The following NAALADL2 variants were observed in gnomAD, a reference collection of about 807,000 sequenced individuals.
The protein encoded by NAALADL2 is N-acetylated alpha-linked acidic dipeptidase like 2, also known as inactive N-acetylated-alpha-linked acidic dipeptidase-like protein 2.
Under a neutral mutation model 87.2 loss-of-function variants are expected in NAALADL2, and 76 were observed. The ratio of observed to expected loss-of-function variants is 0.87; its 90% CI spans 0.72 to 1.05. The LOEUF is 1.05. NAALADL2 is among the 50% of genes least tolerant of loss of function. The pLI, the probability that NAALADL2 is intolerant of heterozygous loss-of-function variation, is 0.00. For missense variants in NAALADL2, 1,089 were observed against 945.8 expected (o/e 1.15, Z -1.99); for synonymous variants, 354 against 331.0 (o/e 1.07, Z -0.75).
chr3:175,338,677 C>T (rs1333199506), intron 5 of NAALADL2, among the ~76,000 whole-genome samples: 2 of 139,802 alleles, frequency 1.4e-5, no homozygotes, highest in African/African-American at 2.7e-5. Context: ...AAACAAAACA[C>T]CAGGAACTGA....
At chr3:175,419,472 A>G (rs949286299) in intron 5 of NAALADL2, among the ~76,000 whole-genome samples, 6 of 152,050 alleles carry the variant, frequency 3.9e-5, no homozygotes, top group African/African-American at 1.4e-4. Context: ...GTGGTCTACT[A>G]GAAATCCTGC....
At chr3:175,637,800 A>G (rs879614621) in intron 11 of NAALADL2, among the ~76,000 whole-genome samples, 2 of 152,198 alleles carry the variant, frequency 1.3e-5, no homozygotes, top group Non-Finnish European at 2.9e-5. Flanking sequence ...CTTTGTAGCA[A>G]AACAGACTAA....
intron 5 of NAALADL2, among the ~76,000 whole-genome samples, chr3:175,358,493 T>A (rs1318884134): frequency 1.4e-5 from 2 of 146,180 alleles, no homozygotes; most frequent in African/African-American, 5.0e-5. Flanking sequence ...GGGAGTAGTT[T>A]AAAAAAAAAA....
intron 2 of NAALADL2, among the ~76,000 whole-genome samples, chr3:175,196,104 A>G (rs1308616829): frequency 2.6e-5 from 4 of 151,930 alleles, no homozygotes; most frequent in Non-Finnish European, 5.9e-5. Context: ...TTCACAGTCA[A>G]CGTGTTGATG....
intron 2 of NAALADL2, among the ~76,000 whole-genome samples, chr3:174,698,125 C>T (rs1350793348): frequency 6.6e-6 from 1 of 151,896 alleles, no homozygotes; most frequent in Non-Finnish European, 1.5e-5. Context: ...AATATAAAAC[C>T]GATAAAAATA....
At chr3:174,898,112 CAAAAAA>C (rs913382744) in intron 1 of NAALADL2, among the ~76,000 whole-genome samples, 14 of 14,492 alleles carry the variant, frequency 9.7e-4, no homozygotes, top group Non-Finnish European at 1.3e-3. Context: ...GACTCCGTCT[CAAAAAA>C]AAAAAAAAAA....
At chr3:175,536,825 C>CA (rs1052321293) in intron 9 of NAALADL2, among the ~76,000 whole-genome samples, 26 of 151,936 alleles carry the variant, frequency 1.7e-4, no homozygotes, top group African/African-American at 5.8e-4. Context: ...ACTAAAAATA[C>CA]AAAAAAATTA....
At chr3:175,350,781 A>G (rs1432759159) in intron 5 of NAALADL2, among the ~76,000 whole-genome samples, 3 of 152,160 alleles carry the variant, frequency 2.0e-5, no homozygotes, top group African/African-American at 7.2e-5. Flanking sequence ...TTATTCCTCT[A>G]GTTAACTCAA....
rs566632257 is a variant in NAALADL2, at chr3:175,077,260, G to A, written c.44-19530G>A. Among the ~76,000 whole-genome samples, 14 of 152,126 alleles carry A rather than the reference G, an allele frequency of 9.2e-5. 1 individual carries two copies. Among genetic ancestry groups the A allele is most frequent in the Non-Finnish European group, 1.6e-4 (11 of 68,012 alleles). The stretch of plus-strand genomic sequence containing the variant: ...ATTTCAAGCTTTAAATGTGTAAAAC[G>A]ATTGGAGAGACCCTAGAAATTTGGC... On this transcript the variant is annotated intron_variant, in intron 1 of 13. Coordinates refer to ENST00000454872, the MANE Select transcript of NAALADL2 (RefSeq NM_207015.3).
At chr3:174,636,186 C>T (rs1334493266) in intron 2 of NAALADL2, among the ~76,000 whole-genome samples, 10 of 152,092 alleles carry the variant, frequency 6.6e-5, no homozygotes, top group African/African-American at 2.4e-4. Flanking sequence ...CAAAAATCAA[C>T]TCGAGATGTA....
intron 1 of NAALADL2, among the ~76,000 whole-genome samples, chr3:174,885,876 GTTTTTTTTTT>G (rs60403770): frequency 9.8e-6 from 1 of 101,640 alleles, no homozygotes; most frequent in Non-Finnish European, 2.0e-5. Context: ...AGTCCGAGTT[GTTTTTTTTTT>G]TTTTTTTTTT....
At chr3:175,348,639 G>A (rs188602023) in intron 5 of NAALADL2, among the ~76,000 whole-genome samples, 343 of 152,134 alleles carry the variant, frequency 2.3e-3, no homozygotes, top group African/African-American at 7.9e-3. Context: ...TCTAATTTCT[G>A]CCTCCATCTC....
In NAALADL2 at chr3:175,288,081, T is replaced by C. The variant is rs188288303; in HGVS notation, c.939+31551T>C. 5.0e-3 allele frequency among the ~76,000 whole-genome samples: 761 copies of C among 152,256 alleles called. 2 individuals are homozygous for C. Among genetic ancestry groups the C allele is most frequent in the Non-Finnish European group, 7.4e-3 (500 of 68,008 alleles). ...TCGTCAGGATTCAGACATGTCTACA[T>C]GTTTTTTTGTTTTTCTTGAGACCAG... is the stretch of plus-strand genomic sequence containing the variant. On this transcript the variant is annotated intron_variant, in intron 4 of 13. Transcript: ENST00000454872.
In NAALADL2 at chr3:175,546,202, G is replaced by A. The variant is rs141503995; in HGVS notation, c.1654-29839G>A. On this transcript the variant is annotated intron_variant, in intron 9 of 13. Transcript: ENST00000454872. ...TTAAAGTCTGTTTTGTCAGAAACTA[G>A]GATTTTAACCCCTGCTTTTTTCTGT... 6.2e-3 allele frequency among the ~76,000 whole-genome samples: 950 copies of A among 152,088 alleles called. 7 individuals are homozygous for A. Among genetic ancestry groups the A allele is most frequent in the African/African-American group, 0.022 (899 of 41,520 alleles).
intron 1 of NAALADL2, among the ~76,000 whole-genome samples, chr3:174,923,249 C>G (rs1359617467): frequency 6.6e-6 from 1 of 152,112 alleles, no homozygotes; most frequent in Non-Finnish European, 1.5e-5. Context: ...TAGTTAGTAG[C>G]TCCTGAGGGC....
At chr3:174,845,703 T>TGAG (rs2109444670) in intron 3 of NAALADL2, among the ~76,000 whole-genome samples, 1 of 152,274 alleles carries the variant, frequency 6.6e-6, no homozygotes, top group East Asian at 1.9e-4. Context: ...ACATGTGGGC[T>TGAG]AGTTTTCTGG....
intron 1 of NAALADL2, among the ~76,000 whole-genome samples, chr3:174,945,805 T>A (rs1323602040): frequency 6.6e-6 from 1 of 152,126 alleles, no homozygotes; most frequent in East Asian, 1.9e-4. Context: ...CCCAGCACTC[T>A]GGGAGGCTGA....
At chr3:175,015,668 A>C (rs73883305) in intron 1 of NAALADL2, among the ~76,000 whole-genome samples, 2,094 of 152,232 alleles carry the variant, frequency 0.014, 45 homozygotes, top group African/African-American at 0.048. Context: ...GTTTCACAGC[A>C]GCAGTTAAAA....
At chr3:175,262,925 G>T (rs13077710) in intron 4 of NAALADL2, among the ~76,000 whole-genome samples, 41,431 of 150,130 alleles carry the variant, frequency 0.28, 6,269 homozygotes, top group South Asian at 0.49. Flanking sequence ...CACTATCTTG[G>T]TACTTTAAAA....
Sources: allele counts gnomAD v4.1 joint callset (sites outside exome capture counted in the v4.1 genomes callset), GRCh38; gene constraint gnomAD v4.1.1; transcripts MANE v1.5; gene names NCBI Gene and HGNC (gene_info 2026-07-23, HGNC 2026-07-21).